The following MACF1 variants were observed in gnomAD, a reference collection of about 807,000 sequenced individuals.
MACF1 encodes the protein microtubule-actin cross-linking factor 1.
In MACF1, 193 loss-of-function variants were observed where a neutral mutation model predicts 854.8. That is an observed-to-expected ratio of 0.23 (90% CI 0.20 to 0.25). The LOEUF is 0.25. Ranked by LOEUF, MACF1 falls within the 10% of genes least tolerant of loss-of-function variation. The probability of loss-of-function intolerance (pLI) is 1.00; values close to 1 mark genes in which losing one functional copy is unlikely to be tolerated. For missense variants in MACF1, 7,722 were observed against 8,929.1 expected, an observed-to-expected ratio of 0.86 and a Z score of 5.45; for synonymous variants, 3,185 against 3,226.7, an observed-to-expected ratio of 0.99 and a Z score of 0.44.
chr1:39,469,461 C>G (rs922575171), intron 96 of MACF1, 86 bp from the exon 97 acceptor site: 2 of 957,410 alleles, frequency 2.1e-6, no homozygotes, highest in Non-Finnish European at 3.3e-6. Context: ...GAGGCTCCCC[C>G]ACTGTCTGCC....
chr1:39,139,583 G>C (rs1230205096), intron 2 of MACF1, among the ~76,000 whole-genome samples: 2 of 150,886 alleles, frequency 1.3e-5, no homozygotes, highest in Non-Finnish European at 3.0e-5. Flanking sequence ...TTTTTTCCTA[G>C]CTTTCCTGCT....
Position 39,336,583 on chromosome 1 carries a change from C to T in MACF1, c.9995C>T (p.Thr3332Ile). 6.2e-7 allele frequency: 1 copy of T among 1,614,040 alleles called. No homozygotes were observed. Among genetic ancestry groups the T allele is most frequent in the Non-Finnish European group, 8.5e-7 (1 of 1,179,990 alleles). The change falls in exon 37 of 101, where the codon ACT becomes ATT. Residue 3332 changes from threonine to isoleucine, a missense_variant. Transcript: ENST00000564288. ...KLRESPGSEQ[T>I]PFMTAPEGKG... The stretch of plus-strand genomic sequence containing the variant: ...AGAGAAAGCCCTGGCAGTGAACAAA[C>T]TCCCTTCATGACTGCACCTGAAGGA...
intron 21 of MACF1, among the ~76,000 whole-genome samples, chr1:39,299,054 C>T (rs921211946): frequency 1.3e-5 from 2 of 152,024 alleles, no homozygotes; most frequent in African/African-American, 4.8e-5. Flanking sequence ...ACTTTTACCA[C>T]GCTGAGCACT....
At chr1:39,424,308 G>A (rs1643654074) in intron 61 of MACF1, 114 bp downstream of exon 61, 1 of 814,892 alleles carries the variant, frequency 1.2e-6, no homozygotes, top group Non-Finnish European at 1.9e-6. Context: ...GGTGTTTAAT[G>A]GCTTTTATTT....
At chr1:39,142,524 C>G (rs1044657761) in intron 2 of MACF1, among the ~76,000 whole-genome samples, 1 of 152,134 alleles carries the variant, frequency 6.6e-6, no homozygotes. Flanking sequence ...TTTGGGTGCC[C>G]TGAAGAAAAT....
intron 58 of MACF1, among the ~76,000 whole-genome samples, chr1:39,408,729 C>A (rs899890353): frequency 1.3e-5 from 2 of 152,118 alleles, no homozygotes; most frequent in African/African-American, 4.8e-5. Flanking sequence ...GCGCGGGTTC[C>A]GTTCCTCTCC....
chr1:39,391,391 A>C (rs1007912793), intron 58 of MACF1, among the ~76,000 whole-genome samples: 1 of 152,110 alleles, frequency 6.6e-6, no homozygotes, highest in Non-Finnish European at 1.5e-5. Context: ...CTATAGTATT[A>C]TACTGGTTGG....
At chr1:39,456,507 T>C (rs1274954814) in intron 89 of MACF1, among the ~76,000 whole-genome samples, 3 of 152,224 alleles carry the variant, frequency 2.0e-5, no homozygotes, top group Non-Finnish European at 4.4e-5. Context: ...TTCCATAGTT[T>C]AGGTGTGTTA....
chr1:39,099,318 G>T (rs1221900437), intron 2 of MACF1, among the ~76,000 whole-genome samples: 1 of 152,158 alleles, frequency 6.6e-6, no homozygotes, highest in Non-Finnish European at 1.5e-5. Context: ...ATCACGCCCG[G>T]CTAATTTTTT....
chr1:39,100,189 C>T, intron 2 of MACF1, among the ~76,000 whole-genome samples: 1 of 152,130 alleles, frequency 6.6e-6, no homozygotes, highest in East Asian at 1.9e-4. Flanking sequence ...CAAGATTGTG[C>T]CACCGCACTC....
At chr1:39,253,263 G>T (rs1418580829) in intron 4 of MACF1, among the ~76,000 whole-genome samples, 1 of 152,146 alleles carries the variant, frequency 6.6e-6, no homozygotes, top group Non-Finnish European at 1.5e-5. Flanking sequence ...TGGGTTGTAT[G>T]ACATCTGGGA....
At chr1:39,216,046 C>G (rs1644574005) in intron 1 of MACF1, among the ~76,000 whole-genome samples, 1 of 152,100 alleles carries the variant, frequency 6.6e-6, no homozygotes, top group African/African-American at 2.4e-5. Context: ...TGGCCTTGAA[C>G]AAGTGACTTA....
At chr1:39,368,354 T>G in intron 50 of MACF1, 40 bp downstream of exon 50, 1 of 1,572,624 alleles carries the variant, frequency 6.4e-7, no homozygotes. Context: ...GGGGAACTAT[T>G]TTTTCTTGTT....
intron 51 of MACF1, 109 bp downstream of exon 51, chr1:39,370,295 G>C (rs1405208963): frequency 9.9e-7 from 1 of 1,011,402 alleles, no homozygotes; most frequent in Non-Finnish European, 1.4e-6. Context: ...CAAGTTGTCA[G>C]TCTGCATCAG....
chr1:39,231,342 G>A, intron 2 of MACF1, 99 bp downstream of exon 2: 1 of 1,109,104 alleles, frequency 9.0e-7, no homozygotes, highest in East Asian at 2.4e-5. Flanking sequence ...CTTGCTGTGT[G>A]CTCAAGTCTA....
chr1:39,359,280 A>G lies in MACF1; in HGVS notation c.12244+16A>G, dbSNP rs903697833. The G allele has an allele frequency of 1.2e-6, 2 of 1,613,530 alleles. No individual in the cohort carries two copies. The highest frequency in any genetic ancestry group is 1.7e-6 in the Non-Finnish European group (2 of 1,179,670). Reference sequence around the variant, plus strand: ...GAAACTACAGGTATAAAGCAGCAACAGTATAATAGTACTCCCTTAATTCCT... The same window carrying G: ...GAAACTACAGGTATAAAGCAGCAACGGTATAATAGTACTCCCTTAATTCCT... On this transcript the variant is annotated intron_variant, in intron 47 of 100. Transcript: ENST00000564288.
chr1:39,142,917 C>T (rs1164232678), intron 2 of MACF1, among the ~76,000 whole-genome samples: 1 of 152,224 alleles, frequency 6.6e-6, no homozygotes, highest in Non-Finnish European at 1.5e-5. Flanking sequence ...GAGTGATAGG[C>T]TGGGTCTTAG....
At position 39,387,488 on chromosome 1, in the gene MACF1, C is replaced by A; in HGVS notation, c.14646C>A (p.Asn4882Lys). The stretch of plus-strand genomic sequence containing the variant: ...AAAACCAGTTGGTTGAGCTCAAAAA[C>A]CATTGGGAAGAGCTTAGTAAAAAAA... ...TLQNQLVELK[N>K]HWEELSKKTA... The change falls in exon 58 of 101, where the codon AAC becomes AAA. Residue 4882 changes from asparagine (N) to lysine (K), a missense_variant. Transcript: ENST00000564288. 6.2e-7 allele frequency: 1 copy of A among 1,614,096 alleles called. No individual in the cohort carries two copies. Among genetic ancestry groups the A allele is most frequent in the Admixed American group, 1.7e-5 (1 of 59,998 alleles).
intron 2 of MACF1, among the ~76,000 whole-genome samples, chr1:39,109,966 CTTA>C (rs1362331423): frequency 2.6e-5 from 4 of 151,936 alleles, no homozygotes; most frequent in Admixed American, 2.6e-4. Flanking sequence ...TTCTTTTCCC[CTTA>C]TTATGGGAGA....
Sources: allele counts gnomAD v4.1 joint callset (sites outside exome capture counted in the v4.1 genomes callset), GRCh38; gene constraint gnomAD v4.1.1; transcripts MANE v1.5; gene names NCBI Gene and HGNC (gene_info 2026-07-23, HGNC 2026-07-21).